Variants in CSNK1G1 observed in about 807,000 individuals in gnomAD.
The protein encoded by CSNK1G1 is casein kinase 1 gamma 1.
A neutral mutation model predicts 59.6 loss-of-function variants in CSNK1G1; 22 were observed. The ratio of observed to expected loss-of-function variants is 0.37; its 90% confidence interval spans 0.26 to 0.53. CSNK1G1 has a LOEUF of 0.53. CSNK1G1 is among the 20% of genes least tolerant of loss of function. The pLI is 0.89. For missense variants in CSNK1G1, 384 were observed against 519.5 expected (o/e 0.74, Z 2.54); for synonymous variants, 179 against 177.1 (o/e 1.01, Z -0.08).
At chr15:64,275,895 T>TAAATAAATAA (rs1893586261) in intron 2 of CSNK1G1, among the ~76,000 whole-genome samples, 2 of 152,166 alleles carry the variant, frequency 1.3e-5, no homozygotes, top group Non-Finnish European at 2.9e-5. Flanking sequence ...GATCAAAGAA[T>TAAATAAATAA]AATAAGAGCC....
rs1443566690 is a variant in CSNK1G1 at position 64,168,421 on chromosome 15, C to T, written c.*3510G>A. 6.6e-6 allele frequency: 1 copy of T among 152,248 alleles called. No homozygotes were observed. The highest frequency in any genetic ancestry group is 1.5e-5 in the Non-Finnish European group (1 of 68,058). The allele number at this position is 152,248 out of a possible 1,614,324, so 9.4% of individuals were successfully genotyped here. A position where few individuals can be genotyped will look rare whatever the true frequency, so the allele number is the denominator to read the frequency against. On this transcript the variant is annotated 3_prime_UTR_variant, in exon 12 of 12. Transcript: ENST00000303052. ...CTTACTGCAGAGACACAAGTGATAC[C>T]CTGGTCAAAAGGGAGTAGGGGGGAC... is the stretch of plus-strand genomic sequence containing the variant.
At chr15:64,236,481 A>G (rs2082618687) in intron 4 of CSNK1G1, among the ~76,000 whole-genome samples, 1 of 152,246 alleles carries the variant, frequency 6.6e-6, no homozygotes, top group South Asian at 2.1e-4. Context: ...AAAGTGGGAA[A>G]AGAACATTAA....
chr15:64,233,112 A>T (rs552985564), intron 4 of CSNK1G1, among the ~76,000 whole-genome samples: 2 of 152,322 alleles, frequency 1.3e-5, no homozygotes, highest in East Asian at 3.9e-4. Context: ...AAAGAAAACA[A>T]AATCTAAGTA....
chr15:64,200,415 G>A lies in CSNK1G1; in HGVS notation c.1107+2667C>T, dbSNP rs904332163. 1.3e-5 allele frequency among the ~76,000 whole-genome samples: 2 copies of A among 152,024 alleles called. No individual in the cohort carries two copies. Among genetic ancestry groups the A allele is most frequent in the Non-Finnish European group, 2.9e-5 (2 of 68,008 alleles). ...GGCTGGGGTGTAATGGTACCATCTC[G>A]TCTCACTGCAACCTCCACCTCCCAG... On this transcript the variant is annotated intron_variant, in intron 10 of 11. Coordinates refer to ENST00000303052, the MANE Select transcript of CSNK1G1 (RefSeq NM_022048.5). This position sits in a 1 kb window ranked among gnomAD's most constrained non-coding sequence, Gnocchi z 4.3.
intron 1 of CSNK1G1, among the ~76,000 whole-genome samples, chr15:64,347,790 G>A (rs1345214961): frequency 3.3e-5 from 5 of 151,682 alleles, no homozygotes; most frequent in East Asian, 1.9e-4. Flanking sequence ...AGCAGATCAC[G>A]AGGTCAGGAG....
At chr15:64,277,994 TATTA>T (rs906837172) in intron 2 of CSNK1G1, among the ~76,000 whole-genome samples, 4 of 144,978 alleles carry the variant, frequency 2.8e-5, no homozygotes, top group African/African-American at 1.0e-4. Context: ...TCGAATAATA[TATTA>T]ATATTGATAT....
intron 4 of CSNK1G1, among the ~76,000 whole-genome samples, chr15:64,218,314 C>T (rs762956416): frequency 6.6e-6 from 1 of 151,858 alleles, no homozygotes; most frequent in Non-Finnish European, 1.5e-5. Flanking sequence ...ATACTTCTCT[C>T]GAGGGTAGGT....
At chr15:64,273,009 T>C (rs946896566) in intron 2 of CSNK1G1, among the ~76,000 whole-genome samples, 1 of 152,170 alleles carries the variant, frequency 6.6e-6, no homozygotes, top group South Asian at 2.1e-4. Flanking sequence ...TGGCCTTAAC[T>C]CTTGTTTTTA....
At position 64,243,314 on chromosome 15, in the gene CSNK1G1, A is replaced by T. The variant is rs144973226; in HGVS notation, c.292+8198T>A. On this transcript the variant is annotated intron_variant, in intron 4 of 11. Coordinates refer to ENST00000303052, the MANE Select transcript of CSNK1G1 (RefSeq NM_022048.5). ...TTGCGCCACTGCACTCTAGCTTGGG[A>T]GACAGAGCGAGACTCCATCTCAAAG... is the stretch of plus-strand genomic sequence containing the variant. Among the ~76,000 whole-genome samples, 248 of 152,018 alleles carry T rather than the reference A, an allele frequency of 1.6e-3. 2 individuals carry two copies. Among genetic ancestry groups the T allele is most frequent in the African/African-American group, 5.8e-3 (239 of 41,450 alleles).
intron 6 of CSNK1G1, among the ~76,000 whole-genome samples, chr15:64,208,114 AAT>A (rs1341786762): frequency 6.6e-6 from 1 of 152,194 alleles, no homozygotes; most frequent in Non-Finnish European, 1.5e-5. Context: ...GTTTCATATC[AAT>A]GAACATCAGT....
intron 10 of CSNK1G1, among the ~76,000 whole-genome samples, chr15:64,190,602 C>T (rs906378299): frequency 6.6e-6 from 1 of 152,034 alleles, no homozygotes; most frequent in African/African-American, 2.4e-5. Context: ...TTGGTAGAGA[C>T]AGGGTTTCTC....
At chr15:64,199,137 G>C (rs1454441306) in intron 10 of CSNK1G1, among the ~76,000 whole-genome samples, 4 of 149,688 alleles carry the variant, frequency 2.7e-5, no homozygotes, top group Admixed American at 6.7e-5. Context: ...TGTAGTCCCA[G>C]CTACTCAGGA....
intron 2 of CSNK1G1, among the ~76,000 whole-genome samples, chr15:64,292,436 T>C (rs1324490391): frequency 6.6e-6 from 1 of 152,232 alleles, no homozygotes; most frequent in Non-Finnish European, 1.5e-5. Context: ...TTTGCATATT[T>C]CATCAGACAC....
intron 2 of CSNK1G1, among the ~76,000 whole-genome samples, chr15:64,298,149 G>T (rs561894278): frequency 2.0e-5 from 3 of 152,174 alleles, no homozygotes; most frequent in Non-Finnish European, 4.4e-5. Context: ...GGCTATAAAT[G>T]TATGCTTTTA....
rs1328281671 is a variant in CSNK1G1, at chr15:64,200,923, TATTG to T, written c.1107+2155_1107+2158del. On this transcript the variant is annotated intron_variant, in intron 10 of 11. Coordinates refer to ENST00000303052, the MANE Select transcript of CSNK1G1 (RefSeq NM_022048.5). This position sits in a 1 kb window ranked among gnomAD's most constrained non-coding sequence, Gnocchi z 4.3. ...ACATAACCTATACTTTGAGTGGTTT[TATTG>T]ATTGATTTCAAGAAGTAAGGTATTT... Among the ~76,000 whole-genome samples the T allele has an allele frequency of 2.0e-5, 3 of 152,312 alleles. No homozygotes were observed. The highest frequency in any genetic ancestry group is 2.9e-5 in the Non-Finnish European group (2 of 68,036).
intron 4 of CSNK1G1, among the ~76,000 whole-genome samples, chr15:64,232,725 C>G (rs2082564685): frequency 6.6e-6 from 1 of 152,148 alleles, no homozygotes; most frequent in Non-Finnish European, 1.5e-5. Context: ...TGTCTTTGAC[C>G]TCCTTAAACA....
intron 8 of CSNK1G1, 99 bp downstream of exon 8, chr15:64,204,765 GT>G: frequency 2.7e-6 from 3 of 1,107,044 alleles, no homozygotes; most frequent in Non-Finnish European, 4.1e-6. Context: ...AAAAGGAAAT[GT>G]TAATTACCTA....
At chr15:64,303,595 C>CA (rs1204578083) in intron 1 of CSNK1G1, among the ~76,000 whole-genome samples, 1 of 151,392 alleles carries the variant, frequency 6.6e-6, no homozygotes, top group Non-Finnish European at 1.5e-5. Context: ...CTACTAAAAA[C>CA]AAAAAAATTA....
intron 1 of CSNK1G1, among the ~76,000 whole-genome samples, chr15:64,331,162 AT>A (rs1897095554): frequency 6.8e-6 from 1 of 146,616 alleles, no homozygotes; most frequent in African/African-American, 2.5e-5. Context: ...TCTTCACAGA[AT>A]TGGAAAAAAC....
Sources: allele counts gnomAD v4.1 joint callset (sites outside exome capture counted in the v4.1 genomes callset), GRCh38; gene constraint gnomAD v4.1.1; non-coding constraint Gnocchi (gnomAD v3.1); transcripts MANE v1.5; gene names NCBI Gene and HGNC (gene_info 2026-07-23, HGNC 2026-07-21).